FBXL2: variants seen among roughly 807,000 people sequenced by gnomAD.
FBXL2 encodes the protein F-box and leucine rich repeat protein 2.
A neutral mutation model predicts 69.2 loss-of-function variants in FBXL2; 38 were observed. That is an observed-to-expected ratio of 0.55 (90% CI 0.42 to 0.72). The LOEUF is 0.72. FBXL2 is among the 30% of genes least tolerant of loss of function. The probability of loss-of-function intolerance (pLI) is 0.00; values close to 1 mark genes in which losing one functional copy is unlikely to be tolerated. For missense variants in FBXL2, 354 were observed against 520.3 expected (o/e 0.68, Z 3.11); for synonymous variants, 192 against 201.3 (o/e 0.95, Z 0.39).
Position 33,395,885 on chromosome 3 carries a change from G to A in FBXL2, n.1215-7349G>A, listed in dbSNP as rs1277004702. 2.7e-5 allele frequency among the ~76,000 whole-genome samples: 4 copies of A among 145,492 alleles called. No homozygotes were observed. The East Asian group carries it at 7.9e-4, about 29-fold the overall frequency. ...AAAAGCCAGAACTCAATGCATTCAA[G>A]CTAGTTTTTCCACTTGTTAGATATT... On this transcript the variant is annotated intron_variant and non_coding_transcript_variant, in intron 12 of 12. Coordinates refer to the FBXL2 transcript ENST00000463736.
At chr3:33,335,827 A>T (rs1393850869) in intron 2 of FBXL2, among the ~76,000 whole-genome samples, 1 of 152,164 alleles carries the variant, frequency 6.6e-6, no homozygotes, top group African/African-American at 2.4e-5. Context: ...AAAAGCCTGG[A>T]TGACAGAGTG....
intron 2 of FBXL2, among the ~76,000 whole-genome samples, chr3:33,302,498 C>A (rs2036379328): frequency 6.6e-6 from 1 of 152,094 alleles, no homozygotes; most frequent in Non-Finnish European, 1.5e-5. Flanking sequence ...GTTTTAATTT[C>A]TACTATGGTT....
At chr3:33,421,716 C>A in the FBXL2 span, among the ~76,000 whole-genome samples, 1 of 152,194 alleles carries the variant, frequency 6.6e-6, no homozygotes, top group South Asian at 2.1e-4. Context: ...TTTTTATTTT[C>A]TTTACAGCAT....
chr3:33,421,437 T>C, the FBXL2 span, among the ~76,000 whole-genome samples: 6 of 152,138 alleles, frequency 3.9e-5, no homozygotes, highest in Non-Finnish European at 8.8e-5. Flanking sequence ...CATGCTCAGC[T>C]ACTTTTGTAT....
At chr3:33,277,767 C>T (rs2033462786) in intron 1 of FBXL2, among the ~76,000 whole-genome samples, 1 of 152,076 alleles carries the variant, frequency 6.6e-6, no homozygotes, top group Admixed American at 6.5e-5. Flanking sequence ...GGGGTGACAG[C>T]CCGGACCCCC....
the FBXL2 span, chr3:33,411,648 T>C: frequency 6.2e-7 from 1 of 1,614,174 alleles, no homozygotes; most frequent in South Asian, 1.1e-5. Context: ...CTGGCTTGGA[T>C]TCGTCCTTGT....
chr3:33,338,152 C>G (rs1273774477), intron 2 of FBXL2, among the ~76,000 whole-genome samples: 3 of 152,158 alleles, frequency 2.0e-5, no homozygotes, highest in African/African-American at 7.2e-5. Context: ...TGGCTCACAC[C>G]TGTAATCCTA....
At chr3:33,394,520 C>CATCG (rs1359362347) in intron 12 of FBXL2, among the ~76,000 whole-genome samples, 1 of 152,026 alleles carries the variant, frequency 6.6e-6, no homozygotes, top group Non-Finnish European at 1.5e-5. Context: ...AGCCACATTC[C>CATCG]AGTGTTCTGC....
chr3:33,321,050 C>T lies in FBXL2; in HGVS notation c.65+23325C>T, dbSNP rs182459879. On this transcript the variant is annotated intron_variant, in intron 2 of 14. Transcript: ENST00000484457. ...TGGGGCTGGGTGTGGTGGCTCACAC[C>T]TGTAACCTTAGCACTTTGGGAGGCC... Among the ~76,000 whole-genome samples the T allele has an allele frequency of 5.2e-3, 784 of 152,014 alleles. 5 individuals are homozygous for T. The highest frequency in any genetic ancestry group is 0.018 in the African/African-American group (734 of 41,472).
At chr3:33,421,608 G>A in the FBXL2 span, among the ~76,000 whole-genome samples, 7 of 152,144 alleles carry the variant, frequency 4.6e-5, no homozygotes, top group Admixed American at 4.6e-4. Flanking sequence ...TCCCTCTGAG[G>A]TTCAAAAAGA....
the FBXL2 span, among the ~76,000 whole-genome samples, chr3:33,413,858 T>C: frequency 2.0e-5 from 3 of 152,174 alleles, no homozygotes; most frequent in African/African-American, 2.4e-5. Context: ...AAAGCTCTCA[T>C]AGTGATGGTG....
At chr3:33,344,660 G>A (rs1042261125) in intron 2 of FBXL2, among the ~76,000 whole-genome samples, 4 of 152,016 alleles carry the variant, frequency 2.6e-5, no homozygotes, top group African/African-American at 9.7e-5. Context: ...AATTACTTGA[G>A]CATCAATTGG....
intron 2 of FBXL2, among the ~76,000 whole-genome samples, chr3:33,311,947 G>A (rs77179300): frequency 0.096 from 14,599 of 152,036 alleles, 719 homozygotes; most frequent in African/African-American, 0.11. Flanking sequence ...TATGATTTCT[G>A]TCTCTTTGTT....
chr3:33,341,096 C>T (rs2039984740), intron 2 of FBXL2, among the ~76,000 whole-genome samples: 2 of 152,048 alleles, frequency 1.3e-5, no homozygotes. Flanking sequence ...GCTTTCAATG[C>T]TTCTTATTAC....
downstream of FBXL2, among the ~76,000 whole-genome samples, chr3:33,408,321 A>ATT (rs1310824309): frequency 2.0e-5 from 3 of 152,166 alleles, no homozygotes; most frequent in Non-Finnish European, 4.4e-5. Flanking sequence ...AATAATAGCT[A>ATT]ATTTACTAAA....
intron 2 of FBXL2, among the ~76,000 whole-genome samples, chr3:33,333,344 G>A (rs990255073): frequency 6.6e-6 from 1 of 152,198 alleles, no homozygotes; most frequent in African/African-American, 2.4e-5. Flanking sequence ...TGGATGATGG[G>A]AAGAGGGTGA....
At chr3:33,379,543 C>T (rs896895756) in intron 13 of FBXL2, among the ~76,000 whole-genome samples, 32 of 151,228 alleles carry the variant, frequency 2.1e-4, no homozygotes, top group African/African-American at 7.5e-4. Flanking sequence ...TTAGTAGAGA[C>T]GGGGTTTCAC....
intron 2 of FBXL2, among the ~76,000 whole-genome samples, chr3:33,335,101 A>AAAT (rs148912671): frequency 6.8e-4 from 103 of 151,240 alleles, no homozygotes; most frequent in African/African-American, 2.1e-3. Flanking sequence ...ACCTTGTCTC[A>AAAT]AATAATAATA....
chr3:33,320,782 A>G (rs2038135650), intron 2 of FBXL2, among the ~76,000 whole-genome samples: 1 of 152,008 alleles, frequency 6.6e-6, no homozygotes, highest in African/African-American at 2.4e-5. Flanking sequence ...CCTAGCCAGG[A>G]AAGTATTTCT....
Sources: allele counts gnomAD v4.1 joint callset (sites outside exome capture counted in the v4.1 genomes callset), GRCh38; gene constraint gnomAD v4.1.1; transcripts MANE v1.5; gene names NCBI Gene and HGNC (gene_info 2026-07-23, HGNC 2026-07-21).